GLIPR1: variants seen among roughly 807,000 people sequenced by gnomAD.
The protein encoded by GLIPR1 is GLI pathogenesis related 1, also known as glioma pathogenesis-related protein 1.
A neutral mutation model predicts 30.3 loss-of-function variants in GLIPR1; 38 were observed. The observed-to-expected ratio is 1.26, with a 90% CI of 0.97 to 1.65. The LOEUF (loss-of-function observed/expected upper bound fraction) is 1.65, where lower values mean the gene tolerates loss of function less well. GLIPR1 is among the 40% of genes most tolerant of loss of function. The pLI is 0.00. For missense variants in GLIPR1, 285 were observed against 326.5 expected, an observed-to-expected ratio of 0.87 and a Z score of 0.98; for synonymous variants, 122 against 110.6, an observed-to-expected ratio of 1.10 and a Z score of -0.65.
rs774213455 is a variant in GLIPR1 at position 75,501,685 on chromosome 12, C to T, written c.*2707C>T. On this transcript the variant is annotated 3_prime_UTR_variant, in exon 6 of 6. Transcript: ENST00000266659. ...CAAATTTATTATGGGTTTACTTTTC[C>T]TAATTAATAAAGACTTTTACATCAT... 58 of 1,337,192 alleles carry T rather than the reference C, an allele frequency of 4.3e-5. No homozygotes were observed. The highest frequency in any genetic ancestry group is 1.9e-4 in the Middle Eastern group (1 of 5,226). 82.8% of individuals were successfully genotyped at this position (1,337,192 alleles called of 1,614,324 possible). A position where few individuals can be genotyped will look rare whatever the true frequency, so the allele number is the denominator to read the frequency against.
intron 2 of GLIPR1, chr12:75,487,597 G>T: frequency 2.9e-6 from 1 of 341,884 alleles, no homozygotes; most frequent in East Asian, 7.5e-5. Context: ...CTCTCCAGTT[G>T]CCAAACCAAG....
At chr12:75,482,718 T>G (rs1160454890) in intron 2 of GLIPR1, among the ~76,000 whole-genome samples, 1 of 151,928 alleles carries the variant, frequency 6.6e-6, no homozygotes, top group African/African-American at 2.4e-5. Context: ...ATTGAGTTTT[T>G]TTTTTTTTTT....
rs755783070 is a variant in GLIPR1 at position 75,499,913 on chromosome 12, C to G, written c.*935C>G. 1 of 1,608,848 alleles carries G rather than the reference C, an allele frequency of 6.2e-7. No homozygotes were observed. The highest frequency in any genetic ancestry group is 1.1e-5 in the South Asian group (1 of 90,392). On this transcript the variant is annotated 3_prime_UTR_variant, in exon 6 of 6. Transcript: ENST00000266659. ...TTATTCTTTGCTTTCTTAACCTTTT[C>G]CTTGATGCTGGCCACATCAATTTTA...
rs147846380 is a variant in GLIPR1, at chr12:75,498,331, T to C, written c.620-363T>C. On this transcript the variant is annotated intron_variant, in intron 4 of 5. Coordinates refer to ENST00000266659, the MANE Select transcript of GLIPR1 (RefSeq NM_006851.3). ...GATTCATCATAAACAGTATCATTCT[T>C]CTCAGGAAGAAACTTATTTTTAGAA... The C allele has an allele frequency of 1.6e-3, 283 of 172,488 alleles. 2 individuals carry two copies. The highest frequency in any genetic ancestry group is 6.1e-3 in the African/African-American group (255 of 41,908). 10.7% of individuals were successfully genotyped at this position (172,488 alleles called of 1,614,324 possible). A position where few individuals can be genotyped will look rare whatever the true frequency, so the allele number is the denominator to read the frequency against.
At chr12:75,497,715 G>C (rs939993928) in intron 4 of GLIPR1, 36 of 151,904 alleles carry the variant, frequency 2.4e-4, no homozygotes, top group African/African-American at 7.7e-4. Context: ...AAATTCCTTC[G>C]TGGTATTCCT....
rs1296332528 is a variant in GLIPR1, at chr12:75,503,478, A to T, written c.*4500A>T. On this transcript the variant is annotated 3_prime_UTR_variant, in exon 6 of 6. Coordinates refer to ENST00000266659, the MANE Select transcript of GLIPR1 (RefSeq NM_006851.3). ...GAAACTGGTCATGGTGGGAAAGGAA[A>T]TGAAGCAGAAGACACCTGACAAAAG... The T allele has an allele frequency of 1.3e-5, 2 of 151,718 alleles. No individual in the cohort carries two copies. The highest frequency in any genetic ancestry group is 4.9e-5 in the African/African-American group (2 of 40,602). 9.4% of individuals were successfully genotyped at this position (151,718 alleles called of 1,614,324 possible).
At chr12:75,492,604 GTATAAA>G (rs1191346906) in intron 3 of GLIPR1, 2 of 152,156 alleles carry the variant, frequency 1.3e-5, no homozygotes, top group Non-Finnish European at 2.9e-5. Context: ...ATTCATTAAA[GTATAAA>G]TGTAAATTTT....
chr12:75,480,966 A>G lies in GLIPR1; in HGVS notation c.86A>G (p.Glu29Gly). Reference protein sequence around the residue: ...SHTANILPDIENEDFIKDCVR... With the variant: ...SHTANILPDIGNEDFIKDCVR... ...ACAGCAAATATTTTGCCAGATATCG[A>G]AAATGAAGATTTCATCAAAGACTGC... The change falls in exon 1 of 6, where the codon GAA becomes GGA. Residue 29 changes from glutamate (E) to glycine (G), a missense_variant. Coordinates refer to ENST00000266659, the MANE Select transcript of GLIPR1 (RefSeq NM_006851.3). 6.2e-7 allele frequency: 1 copy of G among 1,613,968 alleles called. No homozygotes were observed. The highest frequency in any genetic ancestry group is 8.5e-7 in the Non-Finnish European group (1 of 1,179,808).
intron 2 of GLIPR1, among the ~76,000 whole-genome samples, chr12:75,485,165 T>C (rs1405637192): frequency 6.6e-6 from 1 of 152,218 alleles, no homozygotes; most frequent in South Asian, 2.1e-4. Context: ...AATCGAGCTA[T>C]TTGCAGATTT....
In GLIPR1 at chr12:75,480,983, A is replaced by T. The variant is rs2046267245; in HGVS notation, c.103A>T (p.Lys35Ter). The T allele has an allele frequency of 6.2e-7, 1 of 1,613,920 alleles. No individual in the cohort carries two copies. The highest frequency in any genetic ancestry group is 1.7e-5 in the Admixed American group (1 of 60,002). ...AGATATCGAAAATGAAGATTTCATCAAAGACTGCGTTCGAATCCATAACAA... is the reference window on the plus strand; with the variant it reads ...AGATATCGAAAATGAAGATTTCATCTAAGACTGCGTTCGAATCCATAACAA... ...LPDIENEDFI[K>*]DCVRIHNKFR... Residue 35 changes from lysine to a stop codon, truncating the protein, a stop_gained, in exon 1 of 6, where the codon AAA becomes TAA. Transcript: ENST00000266659. LOFTEE classifies it high-confidence loss of function.
chr12:75,499,686 A>C lies in GLIPR1; in HGVS notation c.*708A>C, dbSNP rs113740287. 9.0e-5 allele frequency: 50 copies of C among 557,464 alleles called. No homozygotes were observed. The highest frequency in any genetic ancestry group is 5.0e-4 in the Middle Eastern group (1 of 2,020). 34.5% of individuals were successfully genotyped at this position (557,464 alleles called of 1,614,324 possible). A position where few individuals can be genotyped will look rare whatever the true frequency, so the allele number is the denominator to read the frequency against. On this transcript the variant is annotated 3_prime_UTR_variant, in exon 6 of 6. Transcript: ENST00000266659. ...TTATAAAGAACACTCTTCTATGAACAACCACCACCACCAAAAAAAAAAAAA... is the reference window on the plus strand; with the variant it reads ...TTATAAAGAACACTCTTCTATGAACCACCACCACCACCAAAAAAAAAAAAA...
intron 2 of GLIPR1, among the ~76,000 whole-genome samples, chr12:75,486,202 A>G (rs1001116454): frequency 6.6e-6 from 1 of 152,216 alleles, no homozygotes; most frequent in Non-Finnish European, 1.5e-5. Context: ...ATTAAACATG[A>G]TGTCACATGT....
intron 3 of GLIPR1, chr12:75,495,155 T>A (rs2046342996): frequency 6.6e-6 from 1 of 152,650 alleles, no homozygotes. Context: ...CCATAGCTTT[T>A]CTAAGATGGA....
chr12:75,485,842 G>A (rs1297324373), intron 2 of GLIPR1, among the ~76,000 whole-genome samples: 1 of 152,120 alleles, frequency 6.6e-6, no homozygotes, highest in East Asian at 1.9e-4. Flanking sequence ...CCATGGAAAT[G>A]TGACCTGTTT....
chr12:75,496,764 A>T (rs891310524), intron 4 of GLIPR1: 2 of 152,218 alleles, frequency 1.3e-5, no homozygotes, highest in African/African-American at 4.8e-5. Context: ...TCCATTGCTC[A>T]TGTTTTATAA....
intron 2 of GLIPR1, among the ~76,000 whole-genome samples, chr12:75,486,070 G>A (rs1036486112): frequency 2.6e-5 from 4 of 152,162 alleles, no homozygotes; most frequent in African/African-American, 9.7e-5. Context: ...CTTGCTAAAA[G>A]AGAAAACACT....
chr12:75,491,696 T>C (rs552977439), intron 3 of GLIPR1: 1 of 152,336 alleles, frequency 6.6e-6, no homozygotes, highest in South Asian at 2.1e-4. Context: ...CTGTGATTAC[T>C]AGTAATTATA....
In GLIPR1 at chr12:75,480,996, G is replaced by C; in HGVS notation, c.116G>C (p.Arg39Pro). 4 of 1,613,898 alleles carry C rather than the reference G, an allele frequency of 2.5e-6. No homozygotes were observed. Among genetic ancestry groups the C allele is most frequent in the Non-Finnish European group, 3.4e-6 (4 of 1,179,816 alleles). Residue 39 changes from arginine to proline, a missense_variant, in exon 1 of 6, where the codon CGA (arginine) becomes CCA (proline). By Grantham distance (103) the Arg-to-Pro change is moderately radical. Coordinates refer to ENST00000266659, the MANE Select transcript of GLIPR1 (RefSeq NM_006851.3). ...ENEDFIKDCV[R>P]IHNKFRSEVK... is the part of the protein sequence containing the mutation. ...GAAGATTTCATCAAAGACTGCGTTC[G>C]AATCCATAACAAGTTCCGATCAGAG...
intron 3 of GLIPR1, chr12:75,492,469 T>A (rs536586339): frequency 1.3e-5 from 2 of 152,214 alleles, no homozygotes; most frequent in South Asian, 4.1e-4. Flanking sequence ...TAACCTCCAA[T>A]AGATCAGGGT....
Sources: allele counts gnomAD v4.1 joint callset (sites outside exome capture counted in the v4.1 genomes callset), GRCh38; gene constraint gnomAD v4.1.1; transcripts MANE v1.5; gene names NCBI Gene and HGNC (gene_info 2026-07-23, HGNC 2026-07-21).